Variants in SLC38A7 observed in about 807,000 individuals in gnomAD.
SLC38A7 encodes the protein solute carrier family 38 member 7, also known as sodium-coupled neutral amino acid transporter 7.
A neutral mutation model predicts 50.1 loss-of-function variants in SLC38A7; 29 were observed. The ratio of observed to expected loss-of-function variants is 0.58; its 90% confidence interval spans 0.43 to 0.79. The LOEUF (loss-of-function observed/expected upper bound fraction) is 0.79. SLC38A7 is among the 30% of genes least tolerant of loss of function. The pLI, the probability that SLC38A7 is intolerant of heterozygous loss-of-function variation, is 0.00. For synonymous variants in SLC38A7, 244 were observed against 245.9 expected, an observed-to-expected ratio of 0.99 and a Z score of 0.07; for missense variants, 483 against 610.6, an observed-to-expected ratio of 0.79 and a Z score of 2.20.
At chr16:58,667,517 T>TC in intron 11 of SLC38A7, 30 bp from the exon 12 acceptor site, 1 of 1,540,530 alleles carries the variant, frequency 6.5e-7, no homozygotes, top group East Asian at 2.3e-5. Context: ...AGAGGTCTGA[T>TC]CAGTCATCCC....
chr16:58,680,749 C>T (rs1005024390), intron 2 of SLC38A7, among the ~76,000 whole-genome samples: 2 of 152,182 alleles, frequency 1.3e-5, no homozygotes, highest in African/African-American at 2.4e-5. Flanking sequence ...GCACGCCTCC[C>T]GGTGGCCTGG....
chr16:58,669,867 C>T (rs1027130738), intron 11 of SLC38A7, among the ~76,000 whole-genome samples: 6 of 148,004 alleles, frequency 4.1e-5, no homozygotes, highest in East Asian at 4.2e-4. Flanking sequence ...CCTAGCTACT[C>T]GGGAGGCTGA....
chr16:58,677,279 C>T (rs757674761), intron 6 of SLC38A7, 47 bp downstream of exon 6: 2 of 1,550,434 alleles, frequency 1.3e-6, no homozygotes, highest in Admixed American at 3.3e-5. Context: ...CTGCTGGGGC[C>T]CAAGTGGTGG....
intron 5 of SLC38A7, 96 bp from the exon 6 acceptor site, chr16:58,677,520 G>A: frequency 3.8e-6 from 4 of 1,042,072 alleles, no homozygotes; most frequent in Non-Finnish European, 5.9e-6. Context: ...GCGACCACAA[G>A]TGTCCACTGA....
Position 58,678,438 on chromosome 16 carries a change from C to T in SLC38A7, c.506G>A (p.Ser169Asn). The T allele has an allele frequency of 6.3e-7, 1 of 1,578,260 alleles. No individual in the cohort carries two copies. Among genetic ancestry groups the T allele is most frequent in the Non-Finnish European group, 8.6e-7 (1 of 1,162,422 alleles). ...CTTGCGGTCTGTGTACCAAGGGCCG[C>T]TGGCCCCCTCCGGCTCTTTCGCCAT... ...AVMAKEPEGA[S>N]GPWYTDRKFT... The change falls in exon 5 of 12, where the codon AGC (serine) becomes AAC (asparagine). Residue 169 changes from serine (S) to asparagine (N), a missense_variant. By Grantham distance (46) the Ser-to-Asn change is conservative. Coordinates refer to ENST00000219320, the MANE Select transcript of SLC38A7 (RefSeq NM_018231.3). This position sits in a 1 kb window ranked among gnomAD's most constrained non-coding sequence, Gnocchi z 4.0.
At chr16:58,667,591 G>A in intron 11 of SLC38A7, 104 bp from the exon 12 acceptor site, 3 of 879,672 alleles carry the variant, frequency 3.4e-6, no homozygotes, top group Non-Finnish European at 5.0e-6. Flanking sequence ...CACTTCTCCT[G>A]TTGGTAGAGC....
At chr16:58,679,597 A>C in intron 3 of SLC38A7, 1 of 553,758 alleles carries the variant, frequency 1.8e-6, no homozygotes, top group Non-Finnish European at 3.2e-6. Flanking sequence ...CTCTTTTTAA[A>C]CATACCACAA....
rs1435313991 is a variant in SLC38A7, at chr16:58,667,005, T to C, written c.*380A>G. The C allele has an allele frequency of 3.5e-6, 1 of 289,346 alleles. No homozygotes were observed. The highest frequency in any genetic ancestry group is 6.5e-5 in the East Asian group (1 of 15,338). The allele number at this position is 289,346 out of a possible 1,614,324, so 17.9% of individuals were successfully genotyped here. The stretch of plus-strand genomic sequence containing the variant: ...CCCCTACTCAGGACAGGGTGCTCTG[T>C]GGAGGATGGTGGCCTTCTGTCCATA... On this transcript the variant is annotated 3_prime_UTR_variant, in exon 12 of 12. Transcript: ENST00000219320.
At chr16:58,670,314 C>T in intron 10 of SLC38A7, 147 bp from the exon 11 acceptor site, 2 of 711,106 alleles carry the variant, frequency 2.8e-6, no homozygotes, top group Non-Finnish European at 4.7e-6. Context: ...CACACCACAT[C>T]CTGCTGGGGT....
At chr16:58,672,393 C>T in intron 8 of SLC38A7, 150 bp from the exon 9 acceptor site, 1 of 824,160 alleles carries the variant, frequency 1.2e-6, no homozygotes, top group Non-Finnish European at 1.9e-6. Flanking sequence ...GGGCTCCGAT[C>T]AGATGCCTCC....
rs1335026713 is a variant in SLC38A7 at position 58,672,200 on chromosome 16, G to A, written c.927C>T (p.Asp309=). 1.2e-5 allele frequency: 19 copies of A among 1,579,066 alleles called. No homozygotes were observed. Among genetic ancestry groups the A allele is most frequent in the South Asian group, 2.3e-5 (2 of 85,944 alleles). ...FLTFGAAVDP[D]VLLSYPSEDM... ...CCTCCGAGGGATAGGACAGGAGCACGTCAGGATCCACAGCAGCTCCAAAGG... is the reference window on the plus strand; with the variant it reads ...CCTCCGAGGGATAGGACAGGAGCACATCAGGATCCACAGCAGCTCCAAAGG... The change falls in exon 9 of 12, where the codon GAC becomes GAT. Residue 309 remains aspartate, a synonymous_variant. Coordinates refer to ENST00000219320, the MANE Select transcript of SLC38A7 (RefSeq NM_018231.3).
At chr16:58,677,825 A>T (rs1174303342) in intron 5 of SLC38A7, among the ~76,000 whole-genome samples, 1 of 152,202 alleles carries the variant, frequency 6.6e-6, no homozygotes, top group Non-Finnish European at 1.5e-5. Context: ...GGTTGAGAGT[A>T]CAGACACTTT....
intron 6 of SLC38A7, 118 bp downstream of exon 6, chr16:58,677,208 T>C: frequency 1.2e-6 from 1 of 805,780 alleles, no homozygotes; most frequent in Non-Finnish European, 2.1e-6. Flanking sequence ...AAGTCAGCCC[T>C]GATGAGCTCA....
chr16:58,681,325 C>T (rs2044384043), intron 2 of SLC38A7: 1 of 152,198 alleles, frequency 6.6e-6, no homozygotes, highest in Admixed American at 6.5e-5. Context: ...TTTGTATCTG[C>T]CCCACTCCTG....
At chr16:58,676,640 TTTTTGTTTTG>T (rs1280865982) in intron 6 of SLC38A7, among the ~76,000 whole-genome samples, 1 of 152,142 alleles carries the variant, frequency 6.6e-6, no homozygotes, top group Non-Finnish European at 1.5e-5. Flanking sequence ...GAAATTGTTT[TTTTTGTTTTG>T]TTTTGTTTTG....
At chr16:58,680,909 C>T (rs753529824) in intron 2 of SLC38A7, among the ~76,000 whole-genome samples, 3 of 152,134 alleles carry the variant, frequency 2.0e-5, no homozygotes, top group African/African-American at 4.8e-5. Flanking sequence ...ACTCCTTTGC[C>T]GCCACCCTTT....
intron 8 of SLC38A7, among the ~76,000 whole-genome samples, chr16:58,673,427 G>A (rs2044196233): frequency 6.6e-6 from 1 of 151,992 alleles, no homozygotes; most frequent in Non-Finnish European, 1.5e-5. Context: ...GTAGAAATGA[G>A]GTTTCACTAT....
rs154470 is a variant in SLC38A7, at chr16:58,665,930, G to A, written c.*1455C>T. ...GGGAGAGACTGAGCTACACAGTGAAGTGAGATGGGAGGTGAAGAGGTAACG... is the reference window on the plus strand; with the variant it reads ...GGGAGAGACTGAGCTACACAGTGAAATGAGATGGGAGGTGAAGAGGTAACG... On this transcript the variant is annotated 3_prime_UTR_variant, in exon 12 of 12. Coordinates refer to ENST00000219320, the MANE Select transcript of SLC38A7 (RefSeq NM_018231.3). 0.99 allele frequency: 151,083 copies of A among 152,516 alleles called. 74,838 individuals carry two copies. The highest frequency in any genetic ancestry group is 1 in the East Asian group (5,176 of 5,176). 9.4% of individuals were successfully genotyped at this position (152,516 alleles called of 1,614,324 possible).
intron 6 of SLC38A7, 31 bp from the exon 7 acceptor site, chr16:58,676,377 TG>T (rs765909037): frequency 2.2e-5 from 35 of 1,613,736 alleles, no homozygotes; most frequent in Non-Finnish European, 2.8e-5. Flanking sequence ...TGCTGCCACC[TG>T]GGAACCCCTC....
Sources: allele counts gnomAD v4.1 joint callset (sites outside exome capture counted in the v4.1 genomes callset), GRCh38; gene constraint gnomAD v4.1.1; non-coding constraint Gnocchi (gnomAD v3.1); transcripts MANE v1.5; gene names NCBI Gene and HGNC (gene_info 2026-07-23, HGNC 2026-07-21).